RABEP1: variants seen among roughly 807,000 people sequenced by gnomAD.
RABEP1 encodes rab GTPase-binding effector protein 1.
A neutral mutation model predicts 123.4 loss-of-function variants in RABEP1; 51 were observed. The ratio of observed to expected loss-of-function variants is 0.41; its 90% CI spans 0.33 to 0.52. The LOEUF is 0.52. RABEP1 is among the 20% of genes least tolerant of loss of function. The pLI, the probability that RABEP1 is intolerant of heterozygous loss-of-function variation, is 0.16. For missense variants in RABEP1, 888 were observed against 996.3 expected (o/e 0.89, Z 1.46); for synonymous variants, 347 against 355.2 (o/e 0.98, Z 0.26).
chr17:5,299,647 T>G (rs769626131), intron 1 of RABEP1, among the ~76,000 whole-genome samples: 7 of 151,570 alleles, frequency 4.6e-5, no homozygotes, highest in Admixed American at 6.6e-5. Context: ...CTGCTGTCAT[T>G]GGGGTTTGTT....
intron 1 of RABEP1, among the ~76,000 whole-genome samples, chr17:5,304,699 A>G (rs555490497): frequency 6.6e-6 from 1 of 152,292 alleles, no homozygotes; most frequent in East Asian, 1.9e-4. Context: ...TGGCATACTG[A>G]TATTCTCAGC....
intron 11 of RABEP1, among the ~76,000 whole-genome samples, chr17:5,367,454 A>G (rs1159746365): frequency 2.6e-5 from 4 of 151,676 alleles, no homozygotes; most frequent in African/African-American, 9.7e-5. Context: ...TATTTTTAGT[A>G]GAGACGGGGT....
At chr17:5,291,779 T>G (rs535065255) in intron 1 of RABEP1, among the ~76,000 whole-genome samples, 1 of 152,274 alleles carries the variant, frequency 6.6e-6, no homozygotes, top group African/African-American at 2.4e-5. Context: ...GGTGTGCGCC[T>G]GTAATCCCAG....
intron 1 of RABEP1, among the ~76,000 whole-genome samples, chr17:5,289,955 G>T (rs1396830381): frequency 6.6e-6 from 1 of 152,142 alleles, no homozygotes; most frequent in African/African-American, 2.4e-5. Flanking sequence ...GCTTTCTGTG[G>T]AGAGAATTGC....
rs1418673495 is a variant in RABEP1 at position 5,350,448 on chromosome 17, C to T, written c.785-3C>T. 2 of 1,605,714 alleles carry T rather than the reference C, an allele frequency of 1.2e-6. No homozygotes were observed. The highest frequency in any genetic ancestry group is 1.7e-6 in the Non-Finnish European group (2 of 1,177,196). On this transcript the variant is annotated splice_polypyrimidine_tract_variant and splice_region_variant and intron_variant, in intron 6 of 17. Coordinates refer to ENST00000537505, the MANE Select transcript of RABEP1 (RefSeq NM_004703.6). Reference sequence around the variant, plus strand: ...GATTTGTGGTGGGGGGGTTCCTAAACAGTTTGCCATCTCTTGGAGCAAGAG... The same window carrying T: ...GATTTGTGGTGGGGGGGTTCCTAAATAGTTTGCCATCTCTTGGAGCAAGAG...
At chr17:5,380,864 A>G (rs1321681477) in intron 16 of RABEP1, among the ~76,000 whole-genome samples, 1 of 152,220 alleles carries the variant, frequency 6.6e-6, no homozygotes, top group Admixed American at 6.5e-5. Context: ...TTGTGGGGGT[A>G]GTTTCCTAGA....
At chr17:5,371,057 C>G (rs74580301) in intron 12 of RABEP1, among the ~76,000 whole-genome samples, 3 of 151,990 alleles carry the variant, frequency 2.0e-5, no homozygotes, top group African/African-American at 7.3e-5. Flanking sequence ...AGCTCCGCCT[C>G]CCGGGCTCAC....
chr17:5,286,030 T>C (rs2074974334), intron 1 of RABEP1, among the ~76,000 whole-genome samples: 1 of 152,234 alleles, frequency 6.6e-6, no homozygotes, highest in South Asian at 2.1e-4. Context: ...GTGAATTAAA[T>C]AAAGGGCATG....
chr17:5,381,918 A>G (rs565349942), intron 17 of RABEP1, among the ~76,000 whole-genome samples: 41 of 152,198 alleles, frequency 2.7e-4, no homozygotes, highest in African/African-American at 9.4e-4. Context: ...TTCAAGGCTC[A>G]GCGTAGGTCT....
intron 2 of RABEP1, among the ~76,000 whole-genome samples, chr17:5,315,851 C>CA (rs1211908812): frequency 6.6e-6 from 1 of 151,984 alleles, no homozygotes; most frequent in East Asian, 1.9e-4. Context: ...GACTCCATCT[C>CA]AAAAAACAAA....
chr17:5,303,705 A>G (rs2075155794), intron 1 of RABEP1, among the ~76,000 whole-genome samples: 1 of 152,212 alleles, frequency 6.6e-6, no homozygotes, highest in Non-Finnish European at 1.5e-5. Context: ...TTTTGGTCGT[A>G]GTAAATTTCA....
chr17:5,327,612 C>T (rs906429776), intron 2 of RABEP1, among the ~76,000 whole-genome samples: 3 of 152,166 alleles, frequency 2.0e-5, no homozygotes, highest in Middle Eastern at 3.4e-3. Context: ...GGATGATTTG[C>T]CATGAGTGTA....
In RABEP1 at chr17:5,346,918, G is replaced by T; in HGVS notation, c.777G>T (p.Leu259Phe). ...QEDAEKLRKE[L>F]HEVCHLLEQE... ...ATGCTGAGAAACTGCGGAAAGAATT[G>T]CATGAAGGTAAATATACTGTATATT... Residue 259 changes from leucine to phenylalanine, a missense_variant, in exon 6 of 18, where the codon TTG (leucine) becomes TTT (phenylalanine). By Grantham distance (22) the Leu-to-Phe change is conservative (BLOSUM62 0). Transcript: ENST00000537505. 1 of 1,601,174 alleles carries T rather than the reference G, an allele frequency of 6.2e-7. No individual in the cohort carries two copies.
chr17:5,368,909 C>A (rs143282317), intron 12 of RABEP1, among the ~76,000 whole-genome samples: 5,877 of 152,052 alleles, frequency 0.039, 219 homozygotes, highest in East Asian at 0.12. Context: ...GAGATTGAGA[C>A]CATCCTGTCT....
At chr17:5,293,965 CTATAATTATTT>C (rs2075056771) in intron 1 of RABEP1, among the ~76,000 whole-genome samples, 1 of 152,024 alleles carries the variant, frequency 6.6e-6, no homozygotes, top group South Asian at 2.1e-4. Flanking sequence ...AATTTTCTTT[CTATAATTATTT>C]TATAATTACA....
intron 15 of RABEP1, 36 bp downstream of exon 15, chr17:5,378,268 C>T (rs778266002): frequency 1.3e-6 from 2 of 1,513,122 alleles, no homozygotes; most frequent in Non-Finnish European, 1.8e-6. Context: ...CTATCAGCAA[C>T]CAGTGGTTAT....
intron 11 of RABEP1, among the ~76,000 whole-genome samples, chr17:5,367,837 C>G (rs894501622): frequency 2.0e-5 from 3 of 149,920 alleles, no homozygotes; most frequent in Non-Finnish European, 3.0e-5. Flanking sequence ...TCACTGCAAC[C>G]TCTGCCTCCC....
At chr17:5,284,796 A>G (rs899697068) in intron 1 of RABEP1, among the ~76,000 whole-genome samples, 4 of 151,138 alleles carry the variant, frequency 2.6e-5, no homozygotes, top group Non-Finnish European at 5.9e-5. Flanking sequence ...CTTTAGCTGA[A>G]CTCATGTAGA....
intron 1 of RABEP1, among the ~76,000 whole-genome samples, chr17:5,304,443 A>G (rs1297551987): frequency 6.6e-6 from 1 of 151,398 alleles, no homozygotes; most frequent in Admixed American, 6.6e-5. Flanking sequence ...TTAGCCGGGT[A>G]TGGTGGTAGG....
Sources: gnomAD v4.1 joint callset for allele counts (sites outside exome capture counted in the v4.1 genomes callset) on GRCh38, gnomAD v4.1.1 for gene constraint, MANE v1.5 for transcripts, NCBI Gene and HGNC (gene_info 2026-07-23, HGNC 2026-07-21) for gene names.